The following LUZP2 variants were observed in gnomAD, a reference collection of about 807,000 sequenced individuals.
LUZP2 encodes leucine zipper protein 2.
LUZP2 carries 52 observed loss-of-function variants against 51.6 expected under a neutral mutation model. The ratio of observed to expected loss-of-function variants is 1.01; its 90% CI spans 0.81 to 1.27. The LOEUF is 1.27. Among genes scored for constraint, LUZP2 ranks in the 50% most tolerant of loss-of-function variants. The pLI, the probability that LUZP2 is intolerant of heterozygous loss-of-function variation, is 0.00. For synonymous variants in LUZP2, 154 were observed against 137.3 expected, an observed-to-expected ratio of 1.12 and a Z score of -0.85; for missense variants, 436 against 395.4, an observed-to-expected ratio of 1.10 and a Z score of -0.87.
chr11:24,559,972 C>G (rs368476217), intron 1 of LUZP2, among the ~76,000 whole-genome samples: 1 of 151,874 alleles, frequency 6.6e-6, no homozygotes, highest in African/African-American at 2.4e-5. Context: ...TGGGACCTGT[C>G]GGGGGGTGGC....
At chr11:24,707,989 A>T (rs1857660977) in intron 1 of LUZP2, among the ~76,000 whole-genome samples, 1 of 152,098 alleles carries the variant, frequency 6.6e-6, no homozygotes, top group Non-Finnish European at 1.5e-5. Flanking sequence ...GGCTAAACTA[A>T]TTCTGACTGG....
intron 1 of LUZP2, among the ~76,000 whole-genome samples, chr11:24,653,040 G>A (rs1390808767): frequency 6.6e-6 from 1 of 152,106 alleles, no homozygotes. Flanking sequence ...TAGTAGTGGT[G>A]GGGAACAAAA....
intron 9 of LUZP2, among the ~76,000 whole-genome samples, chr11:25,029,736 CAAAA>C (rs372357127): frequency 8.7e-6 from 1 of 114,582 alleles, no homozygotes; most frequent in Non-Finnish European, 1.8e-5. Flanking sequence ...GACTCTGTCT[CAAAA>C]AAAAAAAAAA....
rs145168882 is a variant in LUZP2 at position 25,009,338 on chromosome 11, T to C, written c.765+26045T>C. Among the ~76,000 whole-genome samples, 310 of 152,326 alleles carry C rather than the reference T, an allele frequency of 2.0e-3. 2 individuals carry two copies. The highest frequency in any genetic ancestry group is 6.8e-3 in the African/African-American group (281 of 41,594). ...TTTGAAATTCTCTAAAATTAAATTA[T>C]AGTTTGTATGACTTTGGCTATGAGT... is the stretch of plus-strand genomic sequence containing the variant. On this transcript the variant is annotated intron_variant, in intron 9 of 11. Coordinates refer to ENST00000336930, the MANE Select transcript of LUZP2 (RefSeq NM_001009909.4).
intron 5 of LUZP2, among the ~76,000 whole-genome samples, chr11:24,897,914 G>C (rs887219076): frequency 3.3e-5 from 5 of 151,744 alleles, no homozygotes; most frequent in Admixed American, 6.6e-5. Flanking sequence ...GGATTCCTAC[G>C]CTTTCTGGAA....
chr11:25,009,871 A>C (rs1856935121), intron 9 of LUZP2, among the ~76,000 whole-genome samples: 1 of 152,144 alleles, frequency 6.6e-6, no homozygotes, highest in Non-Finnish European at 1.5e-5. Context: ...TTGTTTCTTC[A>C]TCCTCACCCA....
intron 7 of LUZP2, among the ~76,000 whole-genome samples, chr11:24,962,124 G>T (rs1167181297): frequency 6.6e-6 from 1 of 152,120 alleles, no homozygotes; most frequent in African/African-American, 2.4e-5. Context: ...TCTCCTGTTA[G>T]TCTGATGGGC....
chr11:24,629,692 T>A (rs1290347835), intron 1 of LUZP2, among the ~76,000 whole-genome samples: 4 of 151,456 alleles, frequency 2.6e-5, no homozygotes, highest in Non-Finnish European at 5.9e-5. Flanking sequence ...ATGATTTATT[T>A]TCCGCTGGAT....
intron 7 of LUZP2, among the ~76,000 whole-genome samples, chr11:24,921,548 C>T (rs146660531): frequency 6.6e-6 from 1 of 152,194 alleles, no homozygotes; most frequent in Non-Finnish European, 1.5e-5. Flanking sequence ...TTACAGCTTG[C>T]CAGCCTGGCT....
At chr11:25,071,846 G>T (rs1859167568) in intron 10 of LUZP2, among the ~76,000 whole-genome samples, 2 of 18,350 alleles carry the variant, frequency 1.1e-4, no homozygotes, top group Non-Finnish European at 6.1e-4. Context: ...TTTAAAAAAA[G>T]ATAAAAAAAA....
At chr11:24,498,125 C>T (rs1022856729) in intron 1 of LUZP2, among the ~76,000 whole-genome samples, 2 of 152,254 alleles carry the variant, frequency 1.3e-5, no homozygotes, top group East Asian at 1.9e-4. Flanking sequence ...CTTCCACAAG[C>T]GCAGCACAAA....
At chr11:24,725,998 C>G (rs914836389) in intron 1 of LUZP2, among the ~76,000 whole-genome samples, 4 of 152,060 alleles carry the variant, frequency 2.6e-5, no homozygotes, top group African/African-American at 9.7e-5. Flanking sequence ...TCACAGGAAA[C>G]AGCCCTACAA....
chr11:24,713,655 T>A (rs959185820), intron 1 of LUZP2, among the ~76,000 whole-genome samples: 2 of 147,824 alleles, frequency 1.4e-5, no homozygotes, highest in African/African-American at 5.0e-5. Context: ...ACCACGACAC[T>A]CTATCCTGGA....
intron 5 of LUZP2, among the ~76,000 whole-genome samples, chr11:24,860,633 C>T (rs897324634): frequency 6.6e-6 from 1 of 152,114 alleles, no homozygotes; most frequent in Non-Finnish European, 1.5e-5. Context: ...AGTGACCTCT[C>T]TAGGCACTGG....
At chr11:24,904,775 C>T (rs1450017457) in intron 5 of LUZP2, among the ~76,000 whole-genome samples, 1 of 151,914 alleles carries the variant, frequency 6.6e-6, no homozygotes, top group Non-Finnish European at 1.5e-5. Flanking sequence ...TCAATAATAA[C>T]CTTGACTATA....
At chr11:25,008,150 T>A (rs1393870177) in intron 9 of LUZP2, among the ~76,000 whole-genome samples, 1 of 152,222 alleles carries the variant, frequency 6.6e-6, no homozygotes, top group Non-Finnish European at 1.5e-5. Context: ...CTCTGCCCAC[T>A]CGGCCTATTG....
chr11:24,941,315 CAT>C (rs1854738739), intron 7 of LUZP2, among the ~76,000 whole-genome samples: 1 of 152,088 alleles, frequency 6.6e-6, no homozygotes, highest in Admixed American at 6.6e-5. Flanking sequence ...TAAAATATAT[CAT>C]GTCATCATTA....
At chr11:25,073,706 T>G (rs1859223466) in intron 10 of LUZP2, among the ~76,000 whole-genome samples, 1 of 152,182 alleles carries the variant, frequency 6.6e-6, no homozygotes, top group South Asian at 2.1e-4. Context: ...TCTCTCTACC[T>G]TTCCTCTTAT....
chr11:24,975,948 T>A (rs1855870602), intron 7 of LUZP2, among the ~76,000 whole-genome samples: 1 of 151,962 alleles, frequency 6.6e-6, no homozygotes, highest in South Asian at 2.1e-4. Context: ...AAATCTATTA[T>A]CTCTCAGTTC....
Sources: allele counts gnomAD v4.1 joint callset (sites outside exome capture counted in the v4.1 genomes callset), GRCh38; gene constraint gnomAD v4.1.1; transcripts MANE v1.5; gene names NCBI Gene and HGNC (gene_info 2026-07-23, HGNC 2026-07-21).